The following COPG2 variants were observed in gnomAD, a reference collection of about 807,000 sequenced individuals.
The protein encoded by COPG2 is coatomer subunit gamma-2.
In COPG2, 37 loss-of-function variants were observed where a neutral mutation model predicts 46.3. That is an observed-to-expected ratio of 0.80 (90% CI 0.61 to 1.05). The LOEUF (loss-of-function observed/expected upper bound fraction) is 1.05. COPG2 is among the 50% of genes least tolerant of loss of function. The pLI is 0.00. For missense variants in COPG2, 427 were observed against 387.8 expected, an observed-to-expected ratio of 1.10 and a Z score of -0.85; for synonymous variants, 159 against 129.7, an observed-to-expected ratio of 1.23 and a Z score of -1.53.
chr7:130,564,618 T>A (rs918202947), intron 9 of COPG2: 26 of 355,584 alleles, frequency 7.3e-5, no homozygotes, highest in Middle Eastern at 7.5e-4. Flanking sequence ...ATCCTGAACA[T>A]CTATTTAAGA....
rs138561172 is a variant in COPG2, at chr7:130,638,599, G to A, written c.323+14270C>T. ...CCCCACACCAAGCTCAAGTATCCCA[G>A]GTCAACTTCAGACTGCTGTGCTGGC... On this transcript the variant is annotated intron_variant, in intron 5 of 23. Coordinates refer to ENST00000425248, the MANE Select transcript of COPG2 (RefSeq NM_012133.6). Among the ~76,000 whole-genome samples the A allele has an allele frequency of 4.7e-3, 711 of 152,224 alleles. 1 individual carries two copies. The highest frequency in any genetic ancestry group is 8.3e-3 in the Non-Finnish European group (566 of 68,004).
chr7:130,516,035 CAA>C (rs1188257440), intron 20 of COPG2, among the ~76,000 whole-genome samples: 1 of 152,016 alleles, frequency 6.6e-6, no homozygotes, highest in Non-Finnish European at 1.5e-5. Context: ...TCTGTTTATC[CAA>C]AAGACAGTAC....
chr7:130,537,330 G>A (rs1386599561), intron 20 of COPG2, among the ~76,000 whole-genome samples: 2 of 149,868 alleles, frequency 1.3e-5, no homozygotes, highest in African/African-American at 4.9e-5. Context: ...CAGAGCGTGT[G>A]GATTCAGTGC....
chr7:130,582,760 C>G lies in COPG2; in HGVS notation c.738-18367G>C, dbSNP rs369735371. Reference sequence around the variant, plus strand: ...ACACATGAAAAAATGCTCACCATCACTGGCCATCAGAGAAATGCAAATCAA... The same window carrying G: ...ACACATGAAAAAATGCTCACCATCAGTGGCCATCAGAGAAATGCAAATCAA... On this transcript the variant is annotated intron_variant, in intron 9 of 23. Coordinates refer to ENST00000425248, the MANE Select transcript of COPG2 (RefSeq NM_012133.6). Among the ~76,000 whole-genome samples the G allele has an allele frequency of 6.8e-4, 103 of 151,584 alleles. 2 individuals carry two copies. In the East Asian group the frequency reaches 0.016, roughly 23 times the overall value.
rs1197540092 is a variant in COPG2 at position 130,513,308 on chromosome 7, AATATATAT to A, written c.2150-4657_2150-4650del. On this transcript the variant is annotated intron_variant, in intron 20 of 23. Transcript: ENST00000425248. ...TTCTGTCTAAAAAAAAAAAAAAAAA[AATATATAT>A]ATATATATATATATATATATATATA... 3.5e-3 allele frequency among the ~76,000 whole-genome samples: 193 copies of A among 55,616 alleles called. 6 individuals carry two copies. The highest frequency in any genetic ancestry group is 0.025 in the East Asian group (55 of 2,162). 36.5% of individuals were successfully genotyped at this position (55,616 alleles called of 152,430 possible).
chr7:130,610,316 C>G (rs988258740), intron 9 of COPG2, among the ~76,000 whole-genome samples: 3 of 152,208 alleles, frequency 2.0e-5, no homozygotes, highest in Admixed American at 6.5e-5. Flanking sequence ...GATCAGGTTT[C>G]CCCTTTCAGC....
chr7:130,638,949 G>A (rs1554456810), intron 5 of COPG2, among the ~76,000 whole-genome samples: 1 of 152,208 alleles, frequency 6.6e-6, no homozygotes, highest in African/African-American at 2.4e-5. Context: ...TCCTCAAGGT[G>A]CAGTCCCTTA....
intron 5 of COPG2, among the ~76,000 whole-genome samples, chr7:130,627,141 T>C (rs1430692918): frequency 6.6e-6 from 1 of 152,220 alleles, no homozygotes; most frequent in East Asian, 1.9e-4. Context: ...CAAGTACACT[T>C]TGAAATCCGT....
At chr7:130,525,297 T>G (rs1459885768) in intron 20 of COPG2, among the ~76,000 whole-genome samples, 1 of 152,126 alleles carries the variant, frequency 6.6e-6, no homozygotes, top group Non-Finnish European at 1.5e-5. Flanking sequence ...ACAGATCTCA[T>G]GTGAAAAGTT....
At chr7:130,542,335 CGT>C (rs1793346396) in intron 20 of COPG2, among the ~76,000 whole-genome samples, 2 of 151,364 alleles carry the variant, frequency 1.3e-5, no homozygotes, top group East Asian at 3.9e-4. Flanking sequence ...CATTGAGGAC[CGT>C]GTGTCAATAA....
intron 9 of COPG2, among the ~76,000 whole-genome samples, chr7:130,573,664 ACATAATTATCTT>A (rs1283343456): frequency 6.6e-6 from 1 of 152,116 alleles, no homozygotes; most frequent in Admixed American, 6.5e-5. Context: ...AATAAAAACC[ACATAATTATCTT>A]CATAGATGAA....
At chr7:130,582,946 T>C (rs1351902130) in intron 9 of COPG2, among the ~76,000 whole-genome samples, 2 of 151,834 alleles carry the variant, frequency 1.3e-5, no homozygotes, top group Non-Finnish European at 2.9e-5. Context: ...TGGCGATTCC[T>C]CAGGGATCTA....
intron 9 of COPG2, among the ~76,000 whole-genome samples, chr7:130,597,801 C>A (rs545125020): frequency 6.6e-6 from 1 of 152,252 alleles, no homozygotes; most frequent in South Asian, 2.1e-4. Flanking sequence ...TGATGCTGGC[C>A]AAATTTTTCT....
intron 5 of COPG2, among the ~76,000 whole-genome samples, chr7:130,626,374 C>T (rs559092946): frequency 2.0e-5 from 3 of 151,742 alleles, no homozygotes; most frequent in East Asian, 1.9e-4. Flanking sequence ...GTCAGCCTCC[C>T]GAGTGCCTGC....
At chr7:130,515,494 G>A (rs946782125) in intron 20 of COPG2, among the ~76,000 whole-genome samples, 4 of 152,276 alleles carry the variant, frequency 2.6e-5, no homozygotes, top group South Asian at 2.1e-4. Context: ...ATGACAGTTC[G>A]ACATGAGATT....
intron 5 of COPG2, among the ~76,000 whole-genome samples, chr7:130,646,965 ATATG>A (rs1358220162): frequency 3.0e-4 from 7 of 23,184 alleles, no homozygotes; most frequent in Admixed American, 1.9e-3. Context: ...ATGCATATAT[ATATG>A]TGTATATATA....
At chr7:130,577,449 A>G (rs1794022421) in intron 9 of COPG2, among the ~76,000 whole-genome samples, 1 of 152,096 alleles carries the variant, frequency 6.6e-6, no homozygotes, top group Non-Finnish European at 1.5e-5. Flanking sequence ...CCGAATATTG[A>G]GCTTTTCCGA....
At chr7:130,623,274 G>A (rs1795066825) in intron 5 of COPG2, among the ~76,000 whole-genome samples, 1 of 152,118 alleles carries the variant, frequency 6.6e-6, no homozygotes, top group South Asian at 2.1e-4. Flanking sequence ...TTCACATTTG[G>A]GGTACAGATG....
chr7:130,639,257 TC>T (rs1429905889), intron 5 of COPG2, among the ~76,000 whole-genome samples: 1 of 152,230 alleles, frequency 6.6e-6, no homozygotes, highest in Non-Finnish European at 1.5e-5. Context: ...TCTAGAATTT[TC>T]ATTTGGTTTT....
Sources: gnomAD v4.1 joint callset for allele counts (sites outside exome capture counted in the v4.1 genomes callset) on GRCh38, gnomAD v4.1.1 for gene constraint, MANE v1.5 for transcripts, NCBI Gene and HGNC (gene_info 2026-07-23, HGNC 2026-07-21) for gene names.